PLCL1: variants seen among roughly 807,000 people sequenced by gnomAD.
PLCL1 encodes phospholipase C like 1 (inactive), also known as inactive phospholipase C-like protein 1.
PLCL1 carries 41 observed loss-of-function variants against 84.4 expected under a neutral mutation model. The observed-to-expected ratio is 0.49, with a 90% CI of 0.38 to 0.63. The LOEUF (loss-of-function observed/expected upper bound fraction) is 0.63. PLCL1 is among the 30% of genes least tolerant of loss of function. The pLI, the probability that PLCL1 is intolerant of heterozygous loss-of-function variation, is 0.00. For synonymous variants in PLCL1, 490 were observed against 488.3 expected (o/e 1.00, Z -0.05); for missense variants, 1,206 against 1,367.8 (o/e 0.88, Z 1.87).
intron 5 of PLCL1, among the ~76,000 whole-genome samples, chr2:198,136,818 G>A (rs1056777942): frequency 2.0e-5 from 3 of 152,132 alleles, no homozygotes; most frequent in Non-Finnish European, 2.9e-5. Context: ...CGATACCTTT[G>A]AAGTGAAAAC....
At chr2:198,092,399 C>T (rs370941521) in intron 3 of PLCL1, among the ~76,000 whole-genome samples, 22 of 152,142 alleles carry the variant, frequency 1.4e-4, no homozygotes, top group Admixed American at 7.2e-4. Context: ...GTGATATTTC[C>T]GTACATTTAT....
intron 1 of PLCL1, among the ~76,000 whole-genome samples, chr2:198,036,127 G>T (rs1691546802): frequency 6.6e-6 from 1 of 152,176 alleles, no homozygotes; most frequent in African/African-American, 2.4e-5. Flanking sequence ...AATCATCAAT[G>T]AATTCTCTTT....
intron 5 of PLCL1, among the ~76,000 whole-genome samples, chr2:198,128,018 T>G (rs914370469): frequency 1.3e-5 from 2 of 152,180 alleles, no homozygotes; most frequent in Admixed American, 6.6e-5. Flanking sequence ...AAAATTAGGA[T>G]GCTATGAAAC....
At chr2:198,039,200 A>G (rs1691607038) in intron 1 of PLCL1, among the ~76,000 whole-genome samples, 1 of 152,164 alleles carries the variant, frequency 6.6e-6, no homozygotes, top group South Asian at 2.1e-4. Flanking sequence ...ATTCTCAAGA[A>G]GAGTAGTTGG....
In PLCL1 at chr2:198,086,192, A is replaced by T; in HGVS notation, c.2675A>T (p.His892Leu). 1.2e-6 allele frequency: 2 copies of T among 1,613,732 alleles called. No homozygotes were observed. The highest frequency in any genetic ancestry group is 1.7e-6 in the Non-Finnish European group (2 of 1,179,698). Residue 892 changes from histidine to leucine, a missense_variant, in exon 2 of 6, where the codon CAT (histidine) becomes CTT (leucine). By Grantham distance (99) the His-to-Leu change is moderately conservative. Coordinates refer to ENST00000428675, the MANE Select transcript of PLCL1 (RefSeq NM_006226.4). ...TIDDIFKIAVHPLREAIDMRE... is the reference protein window; with the variant it reads ...TIDDIFKIAVLPLREAIDMRE... ...GATGACATCTTTAAAATAGCGGTTC[A>T]TCCATTACGAGAAGCCATAGATATG...
intron 1 of PLCL1, among the ~76,000 whole-genome samples, chr2:197,903,245 G>T (rs1376355494): frequency 6.6e-6 from 1 of 152,104 alleles, no homozygotes; most frequent in Non-Finnish European, 1.5e-5. Context: ...ACTAGCTACT[G>T]TTGTAAAAGC....
At chr2:197,990,608 C>T (rs1235709124) in intron 1 of PLCL1, among the ~76,000 whole-genome samples, 1 of 152,156 alleles carries the variant, frequency 6.6e-6, no homozygotes, top group Non-Finnish European at 1.5e-5. Context: ...TGTCAGCTCT[C>T]ATGAGACTTA....
chr2:197,932,916 T>A (rs1688970392), intron 1 of PLCL1, among the ~76,000 whole-genome samples: 1 of 151,992 alleles, frequency 6.6e-6, no homozygotes, highest in Non-Finnish European at 1.5e-5. Context: ...CTGATTTGCT[T>A]AGGTCTGCTG....
chr2:197,893,404 G>T (rs1688068929), intron 1 of PLCL1, among the ~76,000 whole-genome samples: 1 of 152,160 alleles, frequency 6.6e-6, no homozygotes, highest in Non-Finnish European at 1.5e-5. Flanking sequence ...GAGTGAGATA[G>T]GTGGCAACTA....
At chr2:198,097,582 T>G (rs978815824) in intron 3 of PLCL1, among the ~76,000 whole-genome samples, 1 of 152,206 alleles carries the variant, frequency 6.6e-6, no homozygotes, top group African/African-American at 2.4e-5. Flanking sequence ...ATATTTCTAA[T>G]GACTACTCAA....
chr2:198,092,930 A>G (rs372636127), intron 3 of PLCL1, among the ~76,000 whole-genome samples: 1 of 152,232 alleles, frequency 6.6e-6, no homozygotes, highest in Non-Finnish European at 1.5e-5. Flanking sequence ...AATAAATAAA[A>G]GCATCTATTG....
chr2:197,836,544 A>G (rs959299743), intron 1 of PLCL1, among the ~76,000 whole-genome samples: 1 of 151,230 alleles, frequency 6.6e-6, no homozygotes, highest in Non-Finnish European at 1.5e-5. Flanking sequence ...AAATAAAAGG[A>G]GATTTAACTT....
At chr2:197,814,280 A>G (rs760014364) in intron 1 of PLCL1, among the ~76,000 whole-genome samples, 33 of 152,250 alleles carry the variant, frequency 2.2e-4, no homozygotes, top group Admixed American at 3.9e-4. Flanking sequence ...TCTGTGTCAC[A>G]TTTTGGTAAT....
chr2:197,854,963 T>C (rs1687302663), intron 1 of PLCL1, among the ~76,000 whole-genome samples: 1 of 152,238 alleles, frequency 6.6e-6, no homozygotes, highest in African/African-American at 2.4e-5. Context: ...TGTCCTGTGG[T>C]CATTGTGAAT....
intron 1 of PLCL1, among the ~76,000 whole-genome samples, chr2:197,888,125 G>A (rs575320342): frequency 1.6e-4 from 24 of 151,816 alleles, no homozygotes; most frequent in African/African-American, 4.3e-4. Context: ...TTTTACTAGC[G>A]GTCATTTAAT....
At chr2:198,077,749 A>G (rs1190700589) in intron 1 of PLCL1, among the ~76,000 whole-genome samples, 1 of 152,184 alleles carries the variant, frequency 6.6e-6, no homozygotes, top group Admixed American at 6.5e-5. Flanking sequence ...GATGGCCCAT[A>G]GTCATGTAAA....
At chr2:197,887,933 G>A (rs1687951225) in intron 1 of PLCL1, among the ~76,000 whole-genome samples, 1 of 151,992 alleles carries the variant, frequency 6.6e-6, no homozygotes, top group East Asian at 1.9e-4. Flanking sequence ...GTGAGACCCT[G>A]TCTCTACCAA....
At chr2:197,968,825 C>G (rs1161759984) in intron 1 of PLCL1, among the ~76,000 whole-genome samples, 2 of 152,190 alleles carry the variant, frequency 1.3e-5, no homozygotes, top group Non-Finnish European at 2.9e-5. Flanking sequence ...ACTCCCCTTA[C>G]CCCTCTTCTG....
intron 1 of PLCL1, among the ~76,000 whole-genome samples, chr2:197,842,533 T>A (rs888908314): frequency 6.6e-6 from 1 of 152,188 alleles, no homozygotes. Flanking sequence ...GAACTAATGT[T>A]CCAGCTTCAA....
Sources: allele counts gnomAD v4.1 joint callset (sites outside exome capture counted in the v4.1 genomes callset), GRCh38; gene constraint gnomAD v4.1.1; transcripts MANE v1.5; gene names NCBI Gene and HGNC (gene_info 2026-07-23, HGNC 2026-07-21).